KEL: variants seen among roughly 807,000 people sequenced by gnomAD.
KEL encodes the protein Kell metallo-endopeptidase (Kell blood group).
KEL carries 96 observed loss-of-function variants against 99.5 expected under a neutral mutation model. That is an observed-to-expected ratio of 0.97 (90% CI 0.82 to 1.14). The LOEUF (loss-of-function observed/expected upper bound fraction) is 1.14, where lower values mean the gene tolerates loss of function less well. Among genes scored for constraint, KEL ranks in the 50% most tolerant of loss-of-function variants. The pLI, the probability that KEL is intolerant of heterozygous loss-of-function variation, is 0.00. For missense variants in KEL, 926 were observed against 924.2 expected (o/e 1.00, Z -0.03); for synonymous variants, 355 against 354.8 (o/e 1.00, Z -0.01).
Position 142,957,884 on chromosome 7 carries a change from A to C in KEL, c.615T>G (p.Pro205=). The C allele has an allele frequency of 6.2e-7, 1 of 1,614,146 alleles. No homozygotes were observed. Among genetic ancestry groups the C allele is most frequent in the Non-Finnish European group, 8.5e-7 (1 of 1,180,012 alleles). ...GAGGTCCTAGGTAGGCTCTGAAGAA[A>C]GGGAAATGGCCATACTGACTCATCA... ...RLLMSQYGHF[P]FFRAYLGPHP... is the part of the protein sequence containing the mutation. The change falls in exon 6 of 19, where the codon CCT becomes CCG. Residue 205 remains proline, a synonymous_variant. Transcript: ENST00000355265.
Position 142,951,208 on chromosome 7 carries a change from CCTT to C in KEL, c.1203+1298_1203+1300del, listed in dbSNP as rs8176060. On this transcript the variant is annotated intron_variant, in intron 10 of 18. Transcript: ENST00000355265. ...AGATAATGGCTTCAGGACATCTAAG[CCTT>C]CTGCATTCTTTAAGCCTAAGCCTCA... is the stretch of plus-strand genomic sequence containing the variant. 2.0e-3 allele frequency among the ~76,000 whole-genome samples: 309 copies of C among 152,320 alleles called. 1 individual carries two copies. The highest frequency in any genetic ancestry group is 3.6e-3 in the Non-Finnish European group (243 of 68,040).
rs8176028 is a variant in KEL at position 142,944,580 on chromosome 7, C to A, written c.1413+63G>T. 5,458 of 1,419,854 alleles carry A rather than the reference C, an allele frequency of 3.8e-3. 45 individuals carry two copies. Among genetic ancestry groups the A allele is most frequent in the African/African-American group, 0.029 (2,086 of 71,102 alleles). 88.0% of individuals were successfully genotyped at this position (1,419,854 alleles called of 1,614,324 possible). A position where few individuals can be genotyped will look rare whatever the true frequency, so the allele number is the denominator to read the frequency against. On this transcript the variant is annotated intron_variant, in intron 12 of 18. Transcript: ENST00000355265. ...TGGCATTTGCTTCCAATCCCCATCT[C>A]GCTTGTTCCAATACTCCATTCCCTG...
rs1356650775 is a variant in KEL at position 142,943,787 on chromosome 7, G to A, written c.1588C>T (p.His530Tyr). Reference sequence around the variant, plus strand: ...GTGTCTCCCCTGCTGTCATACCTGTGTTGGGGGTGAGGCTGCAAGAAGCTC... The same window carrying A: ...GTGTCTCCCCTGCTGTCATACCTGTATTGGGGGTGAGGCTGCAAGAAGCTC... Reference protein sequence around the residue: ...VQSFLQPHPQHRWKVSPWDVN... With the variant: ...VQSFLQPHPQYRWKVSPWDVN... Residue 530 changes from histidine to tyrosine, a missense_variant, in exon 14 of 19, where the codon CAC becomes TAC. His to Tyr is a moderately conservative substitution (Grantham distance 83, BLOSUM62 2). Transcript: ENST00000355265. The A allele has an allele frequency of 6.2e-7, 1 of 1,613,782 alleles. No homozygotes were observed. The highest frequency in any genetic ancestry group is 1.1e-5 in the South Asian group (1 of 91,062).
In KEL at chr7:142,950,901, T is replaced by C. The variant is rs980590373; in HGVS notation, c.1203+1608A>G. Among the ~76,000 whole-genome samples, 22 of 152,204 alleles carry C rather than the reference T, an allele frequency of 1.4e-4. 1 individual carries two copies. Among genetic ancestry groups the C allele is most frequent in the African/African-American group, 5.1e-4 (21 of 41,440 alleles). On this transcript the variant is annotated intron_variant, in intron 10 of 18. Coordinates refer to ENST00000355265, the MANE Select transcript of KEL (RefSeq NM_000420.3). ...TCACTTACTTGTGAGCTGTGTGGTCTTGAGAAAGTTTCTTGACCTTTCTGA... is the reference window on the plus strand; with the variant it reads ...TCACTTACTTGTGAGCTGTGTGGTCCTGAGAAAGTTTCTTGACCTTTCTGA...
In KEL at chr7:142,962,327, T is replaced by A; in HGVS notation, c.-121A>T. 8.7e-7 allele frequency: 1 copy of A among 1,147,994 alleles called. No individual in the cohort carries two copies. 71.1% of individuals were successfully genotyped at this position (1,147,994 alleles called of 1,614,324 possible). ...CTTGATCCTGGAGAAGGGGCACTTC[T>A]GCTGCTCTTTCGCCTTGTCCCCAGA... is the stretch of plus-strand genomic sequence containing the variant. On this transcript the variant is annotated 5_prime_UTR_variant, in exon 1 of 19. Transcript: ENST00000355265.
chr7:142,953,558 G>T, intron 9 of KEL: 1 of 299,994 alleles, frequency 3.3e-6, no homozygotes, highest in Non-Finnish European at 4.9e-6. Context: ...TGTCTTGGCT[G>T]ACCCTGCGTT....
chr7:142,957,791 C>A (rs953845742), intron 6 of KEL, 36 bp downstream of exon 6: 6 of 1,612,836 alleles, frequency 3.7e-6, no homozygotes, highest in Admixed American at 3.3e-5. Context: ...GGAGGCAGGC[C>A]AGGTCCAACT....
chr7:142,957,838 G>A lies in KEL; in HGVS notation c.661C>T (p.Pro221Ser), dbSNP rs1333534395. 9.3e-6 allele frequency: 15 copies of A among 1,613,956 alleles called. No individual in the cohort carries two copies. The Admixed American group carries it at 2.2e-4, about 23-fold the overall frequency. Reference sequence around the variant, plus strand: ...AGTGCATCCCTCACCTGGATGACTGGTGTGTGTGGAGAGGCAGGATGAGGT... The same window carrying A: ...AGTGCATCCCTCACCTGGATGACTGATGTGTGTGGAGAGGCAGGATGAGGT... ...LGPHPASPHTPVIQIDQPEFD... is the reference protein window; with the variant it reads ...LGPHPASPHTSVIQIDQPEFD... Residue 221 changes from proline to serine, a missense_variant, in exon 6 of 19, where the codon CCA becomes TCA. Transcript: ENST00000355265.
At chr7:142,948,715 A>G (rs1156428117) in intron 10 of KEL, among the ~76,000 whole-genome samples, 4 of 152,184 alleles carry the variant, frequency 2.6e-5, no homozygotes, top group African/African-American at 9.7e-5. Context: ...GGCATATGAA[A>G]GACCGGAAGC....
Position 142,941,279 on chromosome 7 carries a change from G to T in KEL, c.2172C>A (p.Asn724Lys). Residue 724 changes from asparagine (N) to lysine (K), a missense_variant, in exon 19 of 19, where the codon AAC (asparagine) becomes AAA (lysine). Asn to Lys is a moderately conservative substitution (Grantham distance 94). Coordinates refer to ENST00000355265, the MANE Select transcript of KEL (RefSeq NM_000420.3). The stretch of plus-strand genomic sequence containing the variant: ...ACCAGAGCTGGCAGCGGCTGGAGGG[G>T]TTCAAGAGAGCACCACGTGCACAGC... ...YFRCARGALL[N>K]PSSRCQLW 2.5e-6 allele frequency: 4 copies of T among 1,614,140 alleles called. No individual in the cohort carries two copies. The highest frequency in any genetic ancestry group is 3.4e-6 in the Non-Finnish European group (4 of 1,180,034).
chr7:142,949,962 G>T (rs1586258482), intron 10 of KEL, among the ~76,000 whole-genome samples: 1 of 152,262 alleles, frequency 6.6e-6, no homozygotes, highest in East Asian at 1.9e-4. Context: ...CCAAAGATGG[G>T]CCAATAATGA....
At chr7:142,954,130 G>T in intron 8 of KEL, 54 bp downstream of exon 8, 1 of 1,551,914 alleles carries the variant, frequency 6.4e-7, no homozygotes, top group Non-Finnish European at 8.8e-7. Context: ...AGGAGGTAAT[G>T]TTTGAGAGGA....
chr7:142,947,547 G>GTCTTAT (rs1328150108), intron 10 of KEL, among the ~76,000 whole-genome samples: 12 of 152,128 alleles, frequency 7.9e-5, no homozygotes, highest in Non-Finnish European at 1.6e-4. Flanking sequence ...CTAACCTTGA[G>GTCTTAT]TCTTATTTTT....
intron 6 of KEL, among the ~76,000 whole-genome samples, chr7:142,955,676 C>G (rs1357793172): frequency 2.6e-5 from 4 of 152,154 alleles, no homozygotes; most frequent in Non-Finnish European, 5.9e-5. Context: ...TCTACTCTTT[C>G]CCTTTTCTTC....
In KEL at chr7:142,943,525, C is replaced by A. The variant is rs1796425365; in HGVS notation, c.1664G>T (p.Gly555Val). Residue 555 changes from glycine (G) to valine (V), a missense_variant, in exon 15 of 19, where the codon GGA becomes GTA. Physicochemically the swap from Gly to Val is moderately radical, Grantham distance 109 (BLOSUM62 -3). Transcript: ENST00000355265. Reference sequence around the variant, plus strand: ...GTGGAAGAATGGGGGTTGGAGGAGTCCAGCTGGAAAGACTACCACATGGTC... The same window carrying A: ...GTGGAAGAATGGGGGTTGGAGGAGTACAGCTGGAAAGACTACCACATGGTC... ...VSDHVVVFPA[G>V]LLQPPFFHPG... 1.2e-6 allele frequency: 2 copies of A among 1,614,156 alleles called. No homozygotes were observed. The highest frequency in any genetic ancestry group is 4.5e-5 in the East Asian group (2 of 44,878).
intron 11 of KEL, chr7:142,944,954 C>T: frequency 1.6e-6 from 1 of 617,702 alleles, no homozygotes; most frequent in Non-Finnish European, 2.9e-6. Context: ...TGGGGCCTGG[C>T]CATCCGTGAG....
At position 142,941,399 on chromosome 7, in the gene KEL, C is replaced by T; in HGVS notation, c.2052G>A (p.Lys684=). ...FRSYAQVMCR[K]PSPQDSHDTH... Reference sequence around the variant, plus strand: ...TGTCGTGAGAGTCCTGGGGGCTGGGCTTCCTACACATCACCTGAGCAGGAA... The same window carrying T: ...TGTCGTGAGAGTCCTGGGGGCTGGGTTTCCTACACATCACCTGAGCAGGAA... Residue 684 remains lysine (K), a synonymous_variant, in exon 19 of 19, where the codon AAG becomes AAA. Coordinates refer to ENST00000355265, the MANE Select transcript of KEL (RefSeq NM_000420.3). 1.9e-6 allele frequency: 3 copies of T among 1,601,396 alleles called. No individual in the cohort carries two copies. The highest frequency in any genetic ancestry group is 2.6e-6 in the Non-Finnish European group (3 of 1,171,370).
Position 142,942,466 on chromosome 7 carries a change from G to A in KEL, c.2005C>T (p.Pro669Ser). 6.2e-7 allele frequency: 1 copy of A among 1,607,722 alleles called. No homozygotes were observed. Residue 669 changes from proline to serine, a missense_variant, in exon 18 of 19, where the codon CCC becomes TCC. Physicochemically the swap from Pro to Ser is moderately conservative, Grantham distance 74. Coordinates refer to ENST00000355265, the MANE Select transcript of KEL (RefSeq NM_000420.3). The part of the protein sequence containing the change: ...ETVLPSLDLS[P>S]QQIFFRSYAQ... ...TAGCTTCGAAAGAAGATCTGCTGGG[G>A]GCTGAGGTCCAGGCTGGGCAGGACA... is the stretch of plus-strand genomic sequence containing the variant.
rs752213193 is a variant in KEL at position 142,944,699 on chromosome 7, G to A, written c.1357C>T (p.Arg453Cys). 1.3e-5 allele frequency: 21 copies of A among 1,614,014 alleles called. No homozygotes were observed. The highest frequency in any genetic ancestry group is 2.7e-5 in the African/African-American group (2 of 74,914). ...TTCATCCAGGGAAGGTTTCTGAGGC[G>A]AGTGATGAGGGCATCCCGGATCGCA... ...FTAIRDALIT[R>C]LRNLPWMNEE... The change falls in exon 12 of 19, where the codon CGC becomes TGC. Residue 453 changes from arginine (R) to cysteine (C), a missense_variant. Transcript: ENST00000355265.
Sources: gnomAD v4.1 joint callset for allele counts (sites outside exome capture counted in the v4.1 genomes callset) on GRCh38, gnomAD v4.1.1 for gene constraint, MANE v1.5 for transcripts, NCBI Gene and HGNC (gene_info 2026-07-23, HGNC 2026-07-21) for gene names.